The following GJD2 variants were observed in gnomAD, a reference collection of about 807,000 sequenced individuals.
The protein encoded by GJD2 is gap junction delta-2 protein.
In GJD2, 12 loss-of-function variants were observed where a neutral mutation model predicts 24.3. The observed-to-expected ratio is 0.49, with a 90% CI of 0.32 to 0.80. The LOEUF is 0.80. Ranked by LOEUF, GJD2 falls within the 30% of genes least tolerant of loss-of-function variation. The pLI is 0.04. For synonymous variants in GJD2, 171 were observed against 155.2 expected (o/e 1.10, Z -0.76); for missense variants, 268 against 402.4 (o/e 0.67, Z 2.86).
rs1424378495 is a variant in GJD2 at position 34,752,715 on chromosome 15, A to G, written c.729T>C (p.Tyr243=). 1 of 1,614,218 alleles carries G rather than the reference A, an allele frequency of 6.2e-7. No homozygotes were observed. The highest frequency in any genetic ancestry group is 1.1e-5 in the South Asian group (1 of 91,080). The part of the protein sequence containing the change: ...RYPCIKEVEC[Y]VSRPTEKTVF... ...CAGTCTTCTCAGTTGGCCGGGACAC[A>G]TAACATTCCACCTCCTTGATGCAGG... Residue 243 remains tyrosine (Y), a synonymous_variant, in exon 2 of 2, where the codon TAT becomes TAC. Transcript: ENST00000290374.
In GJD2 at chr15:34,753,003, A is replaced by T. The variant is rs781072622; in HGVS notation, c.441T>A (p.Asn147Lys). The change falls in exon 2 of 2, where the codon AAT becomes AAA. Residue 147 changes from asparagine to lysine, a missense_variant. By Grantham distance (94) the Asn-to-Lys change is moderately conservative (BLOSUM62 0). Around this residue, in one of 3 missense-constraint regions of GJD2, gnomAD observed 87 missense variants for 77.8 expected, o/e 1.12. Transcript: ENST00000290374. ...GGKREDKKLQNAIVNGVLQNT... is the reference protein window; with the variant it reads ...GGKREDKKLQKAIVNGVLQNT... Reference sequence around the variant, plus strand: ...TCTGCAGCACCCCATTCACAATAGCATTTTGCAACTTCTTATCTTCTCGTT... The same window carrying T: ...TCTGCAGCACCCCATTCACAATAGCTTTTTGCAACTTCTTATCTTCTCGTT... 1 of 1,613,944 alleles carries T rather than the reference A, an allele frequency of 6.2e-7. No individual in the cohort carries two copies. The highest frequency in any genetic ancestry group is 1.7e-5 in the Admixed American group (1 of 60,014).
In GJD2 at chr15:34,752,801, C is replaced by A. The variant is rs1383325377; in HGVS notation, c.643G>T (p.Val215Phe). The stretch of plus-strand genomic sequence containing the variant: ...AAGCCATAGAGAAAATATTGGCCAA[C>A]CAGGAACCCAATTTCCAGGGCATTT... ...FRNALEIGFL[V>F]GQYFLYGFSV... Residue 215 changes from valine to phenylalanine, a missense_variant, in exon 2 of 2, where the codon GTT becomes TTT. Val to Phe is a conservative substitution (Grantham distance 50). Coordinates refer to ENST00000290374, the MANE Select transcript of GJD2 (RefSeq NM_020660.3). 6.2e-7 allele frequency: 1 copy of A among 1,613,992 alleles called. No individual in the cohort carries two copies. Among genetic ancestry groups the A allele is most frequent in the African/African-American group, 1.3e-5 (1 of 74,906 alleles).
rs3743123 is a variant in GJD2, at chr15:34,752,856, G to A, written c.588C>T (p.Ser196=). The A allele has an allele frequency of 0.32, 509,242 of 1,613,800 alleles. 81,562 individuals are homozygous for A. The highest frequency in any genetic ancestry group is 0.42 in the South Asian group (38,102 of 91,058). ...KSKLRRQEGI[S]RFYIIQVVFR... ...ACACCACTTGGATAATGTAGAAGCG[G>A]GAGATGCCTTCCTGCCTTCTGAGCT... The change falls in exon 2 of 2, where the codon TCC becomes TCT. Residue 196 remains serine, a synonymous_variant. Transcript: ENST00000290374.
At chr15:34,753,487 TC>T in intron 1 of GJD2, 115 bp from the exon 2 acceptor site, 1 of 913,406 alleles carries the variant, frequency 1.1e-6, no homozygotes, top group Non-Finnish European at 1.6e-6. Context: ...TGGGGAGCTG[TC>T]CATCCCGGGC....
rs549227025 is a variant in GJD2 at position 34,754,962 on chromosome 15, G to C, written c.-474C>G. On this transcript the variant is annotated 5_prime_UTR_variant, in exon 1 of 2. Transcript: ENST00000290374. This position sits in a 1 kb window ranked among gnomAD's most constrained non-coding sequence, Gnocchi z 5.9. ...CGCGGCAGCCTGCGAGGCCAGGGCCGAGCGCGCGGAGCCGAATGCTGGGCT... is the reference window on the plus strand; with the variant it reads ...CGCGGCAGCCTGCGAGGCCAGGGCCCAGCGCGCGGAGCCGAATGCTGGGCT... The C allele has an allele frequency of 8.6e-4, 133 of 154,492 alleles. No individual in the cohort carries two copies. The highest frequency in any genetic ancestry group is 1.7e-3 in the Non-Finnish European group (120 of 69,648). The allele number at this position is 154,492 out of a possible 1,614,324, so 9.6% of individuals were successfully genotyped here.
Position 34,752,228 on chromosome 15 carries a change from G to C in GJD2, c.*250C>G. ...GATCAGGCTAGGCCATAAACAGAAA[G>C]GGACCAAAGAAGTCTAATTGATCCA... On this transcript the variant is annotated 3_prime_UTR_variant, in exon 2 of 2. Coordinates refer to ENST00000290374, the MANE Select transcript of GJD2 (RefSeq NM_020660.3). The C allele has an allele frequency of 1.9e-6, 1 of 522,792 alleles. No homozygotes were observed. The allele number at this position is 522,792 out of a possible 1,614,324, so 32.4% of individuals were successfully genotyped here.
chr15:34,753,443 C>A, intron 1 of GJD2, 71 bp from the exon 2 acceptor site: 4 of 1,389,244 alleles, frequency 2.9e-6, no homozygotes, highest in Non-Finnish European at 2.9e-6. Context: ...CCTGCTCCTC[C>A]CTTCCCTTTG....
chr15:34,752,470 C>G lies in GJD2; in HGVS notation c.*8G>C. ...GCCATCCCCCAGACCTTCATGAAAC[C>G]TGCCCTCTCACACATAGGCAGAGTC... On this transcript the variant is annotated 3_prime_UTR_variant, in exon 2 of 2. Transcript: ENST00000290374. 6.2e-7 allele frequency: 1 copy of G among 1,610,206 alleles called. No individual in the cohort carries two copies. The highest frequency in any genetic ancestry group is 1.1e-5 in the South Asian group (1 of 90,578).
Position 34,753,075 on chromosome 15 carries a change from G to A in GJD2, c.369C>T (p.Ser123=), listed in dbSNP as rs35174018. 0.076 allele frequency: 122,402 copies of A among 1,613,848 alleles called. 4,917 individuals are homozygous for A. The highest frequency in any genetic ancestry group is 0.095 in the Middle Eastern group (577 of 6,062). The change falls in exon 2 of 2, where the codon TCC becomes TCT. Residue 123 remains serine (S), a synonymous_variant. Transcript: ENST00000290374. ...CCCCAGTTCCTCCAGGACCTCCTAT[G>A]GACTCAGGGGGGTCTCTGTCCAGGG... ...FLALDRDPPE[S]IGGPGGTGGG... is the part of the protein sequence containing the mutation.
rs1891163584 is a variant in GJD2, at chr15:34,754,996, C to G, written c.-508G>C. On this transcript the variant is annotated 5_prime_UTR_variant, in exon 1 of 2. Transcript: ENST00000290374. The surrounding 1 kb of genome is among the most constrained non-coding windows in gnomAD (Gnocchi z 5.9). The stretch of plus-strand genomic sequence containing the variant: ...GAGCCGAATGCTGGGCTCGGGGATC[C>G]GCGGCCGCCGCCTCTAATCCGCCCT... 1 of 152,996 alleles carries G rather than the reference C, an allele frequency of 6.5e-6. No homozygotes were observed. The highest frequency in any genetic ancestry group is 1.5e-5 in the Non-Finnish European group (1 of 68,648). 9.5% of individuals were successfully genotyped at this position (152,996 alleles called of 1,614,324 possible). A position where few individuals can be genotyped will look rare whatever the true frequency, so the allele number is the denominator to read the frequency against.
chr15:34,753,869 C>CATAT (rs10665712), intron 1 of GJD2, among the ~76,000 whole-genome samples: 50 of 151,390 alleles, frequency 3.3e-4, no homozygotes, highest in African/African-American at 7.8e-4. Flanking sequence ...ATATTGAACT[C>CATAT]ATATATATAT....
chr15:34,752,784 G>A lies in GJD2; in HGVS notation c.660C>T (p.Leu220=). ...EIGFLVGQYF[L]YGFSVPGLYE... is the part of the protein sequence containing the mutation. ...ACAACCCTGGGACACTAAAGCCATAGAGAAAATATTGGCCAACCAGGAACC... is the reference window on the plus strand; with the variant it reads ...ACAACCCTGGGACACTAAAGCCATAAAGAAAATATTGGCCAACCAGGAACC... Residue 220 remains leucine (L), a synonymous_variant, in exon 2 of 2, where the codon CTC becomes CTT. Transcript: ENST00000290374. The A allele has an allele frequency of 6.2e-7, 1 of 1,614,180 alleles. No homozygotes were observed. Among genetic ancestry groups the A allele is most frequent in the Non-Finnish European group, 8.5e-7 (1 of 1,180,018 alleles).
Position 34,752,695 on chromosome 15 carries a change from T to G in GJD2, c.749A>C (p.Lys250Thr), listed in dbSNP as rs1487494878. 1.9e-6 allele frequency: 3 copies of G among 1,614,044 alleles called. No individual in the cohort carries two copies. Among genetic ancestry groups the G allele is most frequent in the Non-Finnish European group, 2.5e-6 (3 of 1,180,030 alleles). Residue 250 changes from lysine to threonine, a missense_variant, in exon 2 of 2, where the codon AAG (lysine) becomes ACG (threonine). Physicochemically the swap from Lys to Thr is moderately conservative, Grantham distance 78. Coordinates refer to ENST00000290374, the MANE Select transcript of GJD2 (RefSeq NM_020660.3). ...VECYVSRPTEKTVFLVFMFAV... is the reference protein window; with the variant it reads ...VECYVSRPTETTVFLVFMFAV... The stretch of plus-strand genomic sequence containing the variant: ...AAACATGAACACTAGAAAGACAGTC[T>G]TCTCAGTTGGCCGGGACACATAACA...
rs772145913 is a variant in GJD2, at chr15:34,752,700, A to C, written c.744T>G (p.Thr248=). 1 of 1,614,206 alleles carries C rather than the reference A, an allele frequency of 6.2e-7. No homozygotes were observed. Among genetic ancestry groups the C allele is most frequent in the South Asian group, 1.1e-5 (1 of 91,086 alleles). ...KEVECYVSRP[T]EKTVFLVFMF... ...TGAACACTAGAAAGACAGTCTTCTCAGTTGGCCGGGACACATAACATTCCA... is the reference window on the plus strand; with the variant it reads ...TGAACACTAGAAAGACAGTCTTCTCCGTTGGCCGGGACACATAACATTCCA... The change falls in exon 2 of 2, where the codon ACT becomes ACG. Residue 248 remains threonine, a synonymous_variant. Coordinates refer to ENST00000290374, the MANE Select transcript of GJD2 (RefSeq NM_020660.3).
In GJD2 at chr15:34,753,093, G is replaced by A. The variant is rs1442684046; in HGVS notation, c.351C>T (p.Asp117=). The A allele has an allele frequency of 6.2e-7, 1 of 1,613,966 alleles. No individual in the cohort carries two copies. Among genetic ancestry groups the A allele is most frequent in the Non-Finnish European group, 8.5e-7 (1 of 1,180,038 alleles). The change falls in exon 2 of 2, where the codon GAC becomes GAT. Residue 117 remains aspartate, a synonymous_variant. Transcript: ENST00000290374. ...RRYSTVFLAL[D]RDPPESIGGP... is the part of the protein sequence containing the mutation. ...CTCCTATGGACTCAGGGGGGTCTCT[G>A]TCCAGGGCTAGGAAGACTGTAGAGT...
rs77687619 is a variant in GJD2, at chr15:34,754,384, C to T, written c.71+34G>A. The T allele has an allele frequency of 2.2e-3, 3,371 of 1,564,730 alleles. 79 individuals are homozygous for T. In the African/African-American group the frequency reaches 0.041, roughly 19 times the overall value. The stretch of plus-strand genomic sequence containing the variant: ...GAAGGGACTCCCGGGGGCCGCCCGA[C>T]GGGGCCCCCTGACCGCCGGCTTGGC... On this transcript the variant is annotated intron_variant, in intron 1 of 1. Transcript: ENST00000290374. The surrounding 1 kb of genome is among the most constrained non-coding windows in gnomAD (Gnocchi z 5.9).
In GJD2 at chr15:34,753,031, C is replaced by T. The variant is rs201065171; in HGVS notation, c.413G>A (p.Gly138Asp). ...TTGCAACTTCTTATCTTCTCGTTTG[C>T]CCCCACCACTGCCCCCACCCCCAGT... ...GGTGGGGSGG[G>D]KREDKKLQNA... is the part of the protein sequence containing the mutation. Residue 138 changes from glycine to aspartate, a missense_variant, in exon 2 of 2, where the codon GGC (glycine) becomes GAC (aspartate). By Grantham distance (94) the Gly-to-Asp change is moderately conservative (BLOSUM62 -1). Around this residue, in one of 3 missense-constraint regions of GJD2, gnomAD observed 87 missense variants for 77.8 expected, o/e 1.12. Coordinates refer to ENST00000290374, the MANE Select transcript of GJD2 (RefSeq NM_020660.3). 6.2e-7 allele frequency: 1 copy of T among 1,614,064 alleles called. No homozygotes were observed. The highest frequency in any genetic ancestry group is 8.5e-7 in the Non-Finnish European group (1 of 1,179,954).
intron 1 of GJD2, 53 bp from the exon 2 acceptor site, chr15:34,753,425 A>C: frequency 6.7e-7 from 1 of 1,492,458 alleles, no homozygotes; most frequent in African/African-American, 1.4e-5. Flanking sequence ...CGTCACTGAC[A>C]GGAAACCCCT....
At chr15:34,753,424 C>T in intron 1 of GJD2, 52 bp from the exon 2 acceptor site, 1 of 1,491,458 alleles carries the variant, frequency 6.7e-7, no homozygotes, top group Non-Finnish European at 9.1e-7. Context: ...GCGTCACTGA[C>T]AGGAAACCCC....
Sources: allele counts gnomAD v4.1 joint callset (sites outside exome capture counted in the v4.1 genomes callset), GRCh38; gene constraint gnomAD v4.1.1; regional missense constraint gnomAD v4.1.1; non-coding constraint Gnocchi (gnomAD v3.1); transcripts MANE v1.5; gene names NCBI Gene and HGNC (gene_info 2026-07-23, HGNC 2026-07-21).